Variants in RYR2 observed in about 807,000 individuals in gnomAD.
The protein encoded by RYR2 is cardiac muscle ryanodine receptor-calcium release channel.
In RYR2, 227 loss-of-function variants were observed where a neutral mutation model predicts 601.1. The ratio of observed to expected loss-of-function variants is 0.38; its 90% CI spans 0.34 to 0.42. The LOEUF (loss-of-function observed/expected upper bound fraction) is 0.42, where lower values mean the gene tolerates loss of function less well. RYR2 is among the 10% of genes least tolerant of loss of function. The pLI is 1.00. For synonymous variants in RYR2, 2,223 were observed against 2,175.1 expected, an observed-to-expected ratio of 1.02 and a Z score of -0.61; for missense variants, 4,646 against 6,156.5, an observed-to-expected ratio of 0.75 and a Z score of 8.21.
At chr1:237,572,420 G>A (rs189060175) in intron 29 of RYR2, among the ~76,000 whole-genome samples, 3 of 152,268 alleles carry the variant, frequency 2.0e-5, no homozygotes, top group East Asian at 1.9e-4. Context: ...ATTTAAGCAC[G>A]TAACAAATGT....
At position 237,537,688 on chromosome 1, in the gene RYR2, G is replaced by A. The variant is rs188639023; in HGVS notation, c.2906+7178G>A. Among the ~76,000 whole-genome samples, 229 of 152,258 alleles carry A rather than the reference G, an allele frequency of 1.5e-3. 2 individuals carry two copies. The highest frequency in any genetic ancestry group is 5.0e-3 in the African/African-American group (206 of 41,558). Reference sequence around the variant, plus strand: ...AAAATGAATTAACTATAGCTAGATAGATTCAAAGGACAAATCTCAAAAATA... The same window carrying A: ...AAAATGAATTAACTATAGCTAGATAAATTCAAAGGACAAATCTCAAAAATA... On this transcript the variant is annotated intron_variant, in intron 25 of 104. Coordinates refer to ENST00000366574, the MANE Select transcript of RYR2 (RefSeq NM_001035.3).
intron 1 of RYR2, among the ~76,000 whole-genome samples, chr1:237,269,557 T>C (rs942496823): frequency 1.3e-5 from 2 of 152,150 alleles, no homozygotes; most frequent in East Asian, 1.9e-4. Flanking sequence ...TTCCTTGAGG[T>C]TGAGATGTCA....
intron 70 of RYR2, among the ~76,000 whole-genome samples, 155 bp from the exon 71 acceptor site, chr1:237,711,590 A>G (rs928548561): frequency 1.3e-5 from 2 of 152,254 alleles, no homozygotes; most frequent in Non-Finnish European, 2.9e-5. Context: ...AAGTACCCTC[A>G]TTAGATACTC....
chr1:237,674,650 T>C (rs778560165), intron 59 of RYR2, 81 bp from the exon 60 acceptor site: 191 of 703,198 alleles, frequency 2.7e-4, no homozygotes, highest in Middle Eastern at 1.1e-3. Flanking sequence ...TATATACACA[T>C]ATATATATAC....
chr1:237,683,380 C>T (rs1363187638), intron 62 of RYR2, among the ~76,000 whole-genome samples: 1 of 152,132 alleles, frequency 6.6e-6, no homozygotes. Context: ...GTATACTTTG[C>T]AGTAGCTAAA....
intron 10 of RYR2, among the ~76,000 whole-genome samples, chr1:237,390,211 G>A (rs1302582960): frequency 6.9e-6 from 1 of 145,978 alleles, no homozygotes; most frequent in Non-Finnish European, 1.5e-5. Context: ...TCCCTGATTT[G>A]TTAAATGGAA....
At chr1:237,444,318 T>C (rs1708149578) in intron 13 of RYR2, among the ~76,000 whole-genome samples, 1 of 152,186 alleles carries the variant, frequency 6.6e-6, no homozygotes, top group South Asian at 2.1e-4. Context: ...CCGCAAGTTC[T>C]TTCATTTTAG....
intron 10 of RYR2, among the ~76,000 whole-genome samples, chr1:237,409,402 A>AT (rs1353450598): frequency 6.6e-6 from 1 of 152,058 alleles, no homozygotes; most frequent in African/African-American, 2.4e-5. Context: ...CTTTTTCTTC[A>AT]TTTATTGATA....
intron 2 of RYR2, among the ~76,000 whole-genome samples, chr1:237,275,608 G>A (rs761699734): frequency 2.0e-5 from 3 of 151,390 alleles, no homozygotes; most frequent in Admixed American, 6.6e-5. Context: ...AAAGAGAAAC[G>A]TAGAAACATA....
At chr1:237,095,850 G>A (rs1012340216) in intron 1 of RYR2, among the ~76,000 whole-genome samples, 4 of 152,216 alleles carry the variant, frequency 2.6e-5, no homozygotes, top group Non-Finnish European at 4.4e-5. Context: ...AAAGAGAGAT[G>A]GATGTCATCA....
At chr1:237,218,668 G>A (rs993010028) in intron 1 of RYR2, among the ~76,000 whole-genome samples, 5 of 152,096 alleles carry the variant, frequency 3.3e-5, no homozygotes, top group South Asian at 4.1e-4. Flanking sequence ...CAAATGCTGG[G>A]GTATGGGGGA....
intron 2 of RYR2, among the ~76,000 whole-genome samples, chr1:237,312,126 T>C (rs1455983168): frequency 6.6e-6 from 1 of 152,110 alleles, no homozygotes; most frequent in Non-Finnish European, 1.5e-5. Flanking sequence ...AGTGAGCAAA[T>C]TCTTTGGTAA....
At chr1:237,658,103 TTC>T (rs1169939585) in intron 54 of RYR2, 81 bp downstream of exon 54, 8 of 786,290 alleles carry the variant, frequency 1.0e-5, no homozygotes, top group Non-Finnish European at 1.5e-5. Context: ...CATGACAGTT[TTC>T]TGTTTTAAAA....
intron 3 of RYR2, among the ~76,000 whole-genome samples, chr1:237,331,785 A>T (rs766574680): frequency 6.6e-6 from 1 of 151,496 alleles, no homozygotes; most frequent in Non-Finnish European, 1.5e-5. Flanking sequence ...AAGTGCTGGG[A>T]TTACAGGCGT....
chr1:237,568,444 C>T (rs1246592359), intron 28 of RYR2, among the ~76,000 whole-genome samples: 4 of 152,122 alleles, frequency 2.6e-5, no homozygotes, highest in African/African-American at 9.7e-5. Flanking sequence ...GCAAAAGTCA[C>T]GTTTATCAAA....
At chr1:237,632,039 A>G (rs1680385758) in intron 42 of RYR2, among the ~76,000 whole-genome samples, 1 of 151,902 alleles carries the variant, frequency 6.6e-6, no homozygotes, top group Non-Finnish European at 1.5e-5. Flanking sequence ...TGAACGTACT[A>G]CTAGTTTTTT....
chr1:237,152,249 TATC>T (rs1674797518), intron 1 of RYR2, among the ~76,000 whole-genome samples: 1 of 152,236 alleles, frequency 6.6e-6, no homozygotes, highest in South Asian at 2.1e-4. Flanking sequence ...TTATCCAGTC[TATC>T]ATTGATGGGC....
At chr1:237,136,568 G>A (rs1057256713) in intron 1 of RYR2, among the ~76,000 whole-genome samples, 1 of 152,320 alleles carries the variant, frequency 6.6e-6, no homozygotes, top group Non-Finnish European at 1.5e-5. Flanking sequence ...GGTTTAGAAT[G>A]CATGTTGAAT....
intron 92 of RYR2, among the ~76,000 whole-genome samples, chr1:237,789,118 C>CTACAAGAGGTACTGACCA (rs1658030823): frequency 6.6e-6 from 1 of 151,698 alleles, no homozygotes; most frequent in African/African-American, 2.4e-5. Context: ...TAGAATCCAC[C>CTACAAGAGGTACTGACCA]TACAAGAGGT....
Sources: gnomAD v4.1 joint callset for allele counts (sites outside exome capture counted in the v4.1 genomes callset) on GRCh38, gnomAD v4.1.1 for gene constraint, MANE v1.5 for transcripts, NCBI Gene and HGNC (gene_info 2026-07-23, HGNC 2026-07-21) for gene names.